SRRT: variants seen among roughly 807,000 people sequenced by gnomAD.
SRRT encodes serrate RNA effector molecule homolog.
A neutral mutation model predicts 103.2 loss-of-function variants in SRRT; 32 were observed. The observed-to-expected ratio is 0.31, with a 90% CI of 0.23 to 0.42. The LOEUF (loss-of-function observed/expected upper bound fraction) is 0.42, where lower values mean the gene tolerates loss of function less well. Among genes scored for constraint, SRRT ranks in the 10% least tolerant of loss-of-function variants. The pLI is 1.00. For missense variants in SRRT, 986 were observed against 1,207.5 expected, an observed-to-expected ratio of 0.82 and a Z score of 2.72; for synonymous variants, 525 against 449.0, an observed-to-expected ratio of 1.17 and a Z score of -2.14.
Position 100,886,312 on chromosome 7 carries a change from C to T in SRRT, c.1524C>T (p.Asn508=), listed in dbSNP as rs753734432. The part of the protein sequence containing the change: ...RDLTRRVRNI[N]GITQHKQIVR... ...TGACCCGGCGCGTTCGCAACATCAA[C>T]GGCATCACCCAGCACAAGCAGATTG... The change falls in exon 13 of 20, where the codon AAC becomes AAT. Residue 508 remains asparagine (N), a synonymous_variant. Coordinates refer to ENST00000611405, the MANE Select transcript of SRRT (RefSeq NM_015908.6). 37 of 1,613,648 alleles carry T rather than the reference C, an allele frequency of 2.3e-5. No individual in the cohort carries two copies. In the Admixed American group the frequency reaches 3.0e-4, roughly 13 times the overall value.
rs138529245 is a variant in SRRT at position 100,880,699 on chromosome 7, C to G, written c.123-586C>G. On this transcript the variant is annotated intron_variant, in intron 2 of 19. Transcript: ENST00000611405. ...AAGTTTTCTGTTTTATTTTTAGAGA[C>G]AGGGTCTCCCTCTGTCACCCGGGCT... The G allele has an allele frequency of 9.6e-3, 4,123 of 430,276 alleles. 33 individuals carry two copies. Among genetic ancestry groups the G allele is most frequent in the Non-Finnish European group, 0.015 (3,174 of 212,898 alleles). 26.7% of individuals were successfully genotyped at this position (430,276 alleles called of 1,614,324 possible). A position where few individuals can be genotyped will look rare whatever the true frequency, so the allele number is the denominator to read the frequency against.
chr7:100,887,225 C>T lies in SRRT; in HGVS notation c.1975+25C>T. 1 of 1,613,664 alleles carries T rather than the reference C, an allele frequency of 6.2e-7. No individual in the cohort carries two copies. Among genetic ancestry groups the T allele is most frequent in the Non-Finnish European group, 8.5e-7 (1 of 1,179,686 alleles). On this transcript the variant is annotated intron_variant, in intron 15 of 19. Transcript: ENST00000611405. This position sits in a 1 kb window ranked among gnomAD's most constrained non-coding sequence, Gnocchi z 4.1. ...GGTGAGCTCCAGGTTCCCCTTTGTT[C>T]CCGGCTGCCCCTGGCCTTGGTCCTC...
rs1320229498 is a variant in SRRT at position 100,887,951 on chromosome 7, C to G, written c.2327-91C>G. 2 of 1,538,620 alleles carry G rather than the reference C, an allele frequency of 1.3e-6. No homozygotes were observed. Among genetic ancestry groups the G allele is most frequent in the Non-Finnish European group, 1.8e-6 (2 of 1,141,006 alleles). Reference sequence around the variant, plus strand: ...TTTAACGTGTCACCCCGAGAAGTTTCTGCCCCATCCTCAGGCCATAGCCCT... The same window carrying G: ...TTTAACGTGTCACCCCGAGAAGTTTGTGCCCCATCCTCAGGCCATAGCCCT... On this transcript the variant is annotated intron_variant, in intron 17 of 19. Coordinates refer to ENST00000611405, the MANE Select transcript of SRRT (RefSeq NM_015908.6). The surrounding 1 kb of genome is among the most constrained non-coding windows in gnomAD (Gnocchi z 4.1).
Position 100,887,611 on chromosome 7 carries a change from G to GGCA in SRRT, c.2170-90_2170-88dup. 1.9e-6 allele frequency: 3 copies of GGCA among 1,576,730 alleles called. No individual in the cohort carries two copies. The highest frequency in any genetic ancestry group is 2.6e-6 in the Non-Finnish European group (3 of 1,157,442). On this transcript the variant is annotated intron_variant, in intron 16 of 19. Transcript: ENST00000611405. The surrounding 1 kb of genome is among the most constrained non-coding windows in gnomAD (Gnocchi z 4.1). ...GGGTGGGGGAACTGCTTACTGCACTGGCAGGCGGGAGCTGGGAATCCTTCC... is the reference window on the plus strand; with the variant it reads ...GGGTGGGGGAACTGCTTACTGCACTGGCAGCAGGCGGGAGCTGGGAATCCTTCC...
chr7:100,887,269 C>T lies in SRRT; in HGVS notation c.1976-51C>T. On this transcript the variant is annotated intron_variant, in intron 15 of 19. Transcript: ENST00000611405. This position sits in a 1 kb window ranked among gnomAD's most constrained non-coding sequence, Gnocchi z 4.1. ...GGTCCTCCAGCCCCTTGCCACCATC[C>T]TTCCTTCTGGCTCCCTTGCCAACCT... 2 of 1,610,294 alleles carry T rather than the reference C, an allele frequency of 1.2e-6. No individual in the cohort carries two copies. The highest frequency in any genetic ancestry group is 8.5e-7 in the Non-Finnish European group (1 of 1,177,218).
intron 2 of SRRT, 126 bp from the exon 3 acceptor site, chr7:100,881,159 A>G (rs1375770272): frequency 4.1e-6 from 4 of 982,502 alleles, no homozygotes; most frequent in South Asian, 1.6e-5. Flanking sequence ...GGGTCTCACT[A>G]TTGCCCAGGT....
Position 100,885,313 on chromosome 7 carries a change from C to G in SRRT, c.1260C>G (p.Thr420=). 1 of 1,614,186 alleles carries G rather than the reference C, an allele frequency of 6.2e-7. No homozygotes were observed. Among genetic ancestry groups the G allele is most frequent in the Non-Finnish European group, 8.5e-7 (1 of 1,180,040 alleles). ...LECKPRPLHK[T]CSLFMRNIAP... The stretch of plus-strand genomic sequence containing the variant: ...GCAAGCCGCGGCCGCTGCATAAGAC[C>G]TGCTCCCTCTTCATGCGCAACATCG... Residue 420 remains threonine, a synonymous_variant, in exon 10 of 20, where the codon ACC becomes ACG. Coordinates refer to ENST00000611405, the MANE Select transcript of SRRT (RefSeq NM_015908.6). The surrounding 1 kb of genome is among the most constrained non-coding windows in gnomAD (Gnocchi z 4.8).
chr7:100,885,774 G>C lies in SRRT; in HGVS notation c.1379+12G>C, dbSNP rs375618474. On this transcript the variant is annotated intron_variant, in intron 11 of 19. Transcript: ENST00000611405. This position sits in a 1 kb window ranked among gnomAD's most constrained non-coding sequence, Gnocchi z 4.8. ...CAGCCAGAGAGGAGGTGAGTAACTCGGTGCGTTGGAGGGAAAAGTGCAGGG... is the reference window on the plus strand; with the variant it reads ...CAGCCAGAGAGGAGGTGAGTAACTCCGTGCGTTGGAGGGAAAAGTGCAGGG... 3.7e-6 allele frequency: 6 copies of C among 1,614,000 alleles called. No individual in the cohort carries two copies. Among genetic ancestry groups the C allele is most frequent in the Admixed American group, 1.7e-5 (1 of 59,998 alleles).
At chr7:100,878,273 C>G (rs1815944007) in intron 2 of SRRT, among the ~76,000 whole-genome samples, 1 of 151,082 alleles carries the variant, frequency 6.6e-6, no homozygotes, top group Admixed American at 6.6e-5. Context: ...GATGGCACCA[C>G]TGCATTCCAA....
intron 2 of SRRT, chr7:100,880,636 A>C (rs945859744): frequency 5.4e-6 from 2 of 369,074 alleles, no homozygotes; most frequent in Admixed American, 3.0e-5. Flanking sequence ...GCTGAATTTG[A>C]GGGGGTGATG....
At position 100,885,653 on chromosome 7, in the gene SRRT, C is replaced by T. The variant is rs769870391; in HGVS notation, c.1318-48C>T. 5.1e-5 allele frequency: 80 copies of T among 1,557,310 alleles called. No individual in the cohort carries two copies. Among genetic ancestry groups the T allele is most frequent in the Non-Finnish European group, 6.7e-5 (77 of 1,144,846 alleles). ...GGCAGTGGGGGATTGGAGGAAGAAG[C>T]GAATGAATCCTTGAGTCACTGTGGG... On this transcript the variant is annotated intron_variant, in intron 10 of 19. Transcript: ENST00000611405. The surrounding 1 kb of genome is among the most constrained non-coding windows in gnomAD (Gnocchi z 4.8).
chr7:100,887,420 C>A lies in SRRT; in HGVS notation c.2076C>A (p.Asp692Glu). The change falls in exon 16 of 20, where the codon GAC becomes GAA. Residue 692 changes from aspartate (D) to glutamate (E), a missense_variant. Asp to Glu is a conservative substitution (Grantham distance 45, BLOSUM62 2). This residue lies in a region of SRRT where 349 missense variants were observed against 446.9 expected (regional missense o/e 0.78). Transcript: ENST00000611405. The surrounding 1 kb of genome is among the most constrained non-coding windows in gnomAD (Gnocchi z 4.1). ...EEEAQKMGRK[D>E]PEQEVEKFVT... ...AGGCCCAGAAGATGGGGCGCAAAGACCCAGAGCAGGAAGTGGAGAAGTTCG... is the reference window on the plus strand; with the variant it reads ...AGGCCCAGAAGATGGGGCGCAAAGAACCAGAGCAGGAAGTGGAGAAGTTCG... The A allele has an allele frequency of 6.2e-7, 1 of 1,614,156 alleles. No individual in the cohort carries two copies. Among genetic ancestry groups the A allele is most frequent in the Non-Finnish European group, 8.5e-7 (1 of 1,180,042 alleles).
In SRRT at chr7:100,875,320, C is replaced by T. The variant is rs1010490148; in HGVS notation, c.-27C>T. ...CGAGCGCGAGTCCAACGGCCGCGGC[C>T]GCACCAAGGTGGGGGAGGGGAGGAG... On this transcript the variant is annotated 5_prime_UTR_variant, in exon 1 of 20. Transcript: ENST00000611405. The T allele has an allele frequency of 8.6e-7, 1 of 1,165,306 alleles. No individual in the cohort carries two copies. The allele number at this position is 1,165,306 out of a possible 1,614,324, so 72.2% of individuals were successfully genotyped here. A position where few individuals can be genotyped will look rare whatever the true frequency, so the allele number is the denominator to read the frequency against.
At chr7:100,879,215 C>T (rs975868135) in intron 2 of SRRT, among the ~76,000 whole-genome samples, 2 of 152,148 alleles carry the variant, frequency 1.3e-5, no homozygotes, top group Non-Finnish European at 2.9e-5. Flanking sequence ...CTTGGCCTCC[C>T]AAAGTGCTAG....
chr7:100,880,665 A>G (rs756096755), intron 2 of SRRT: 31 of 418,546 alleles, frequency 7.4e-5, no homozygotes, highest in Non-Finnish European at 1.2e-4. Flanking sequence ...GTAGGGGATG[A>G]TTTTTAAAAA....
intron 2 of SRRT, among the ~76,000 whole-genome samples, chr7:100,878,608 C>T (rs12666785): frequency 0.51 from 76,982 of 152,082 alleles, 20,270 homozygotes; most frequent in East Asian, 0.8. Context: ...AAGAACCTAC[C>T]TCTTGTTGAA....
chr7:100,883,853 G>A (rs752798183), intron 5 of SRRT, among the ~76,000 whole-genome samples: 7 of 152,158 alleles, frequency 4.6e-5, no homozygotes, highest in Non-Finnish European at 8.8e-5. Flanking sequence ...CTTAGTTCCT[G>A]GTTCTCCCCC....
chr7:100,881,581 T>C (rs1789562363), intron 3 of SRRT, 78 bp from the exon 4 acceptor site: 2 of 1,594,958 alleles, frequency 1.3e-6, no homozygotes, highest in African/African-American at 2.7e-5. Flanking sequence ...ATGCTGTGTG[T>C]ACCCCCGTCT....
rs756971338 is a variant in SRRT, at chr7:100,888,396, G to A, written c.2555+13G>A. 1 of 1,613,542 alleles carries A rather than the reference G, an allele frequency of 6.2e-7. No homozygotes were observed. The highest frequency in any genetic ancestry group is 1.3e-5 in the African/African-American group (1 of 75,038). On this transcript the variant is annotated intron_variant, in intron 19 of 19. Coordinates refer to ENST00000611405, the MANE Select transcript of SRRT (RefSeq NM_015908.6). ...AACCTCGCAACAGGTGAGGAGGGCA[G>A]ACGCCCAAGCTTTGTTGCCGCCTGC...
Sources: gnomAD v4.1 joint callset for allele counts (sites outside exome capture counted in the v4.1 genomes callset) on GRCh38, gnomAD v4.1.1 for gene constraint, gnomAD v4.1.1 regional missense constraint, Gnocchi (gnomAD v3.1) non-coding constraint, MANE v1.5 for transcripts, NCBI Gene and HGNC (gene_info 2026-07-23, HGNC 2026-07-21) for gene names.